AUTS2: variants seen among roughly 807,000 people sequenced by gnomAD.
AUTS2 encodes the protein activator of transcription and developmental regulator AUTS2, also known as autism susceptibility gene 2 protein.
AUTS2 carries 17 observed loss-of-function variants against 112.4 expected under a neutral mutation model. The ratio of observed to expected loss-of-function variants is 0.15; its 90% CI spans 0.10 to 0.23. AUTS2 has a LOEUF of 0.23. AUTS2 is among the 10% of genes least tolerant of loss of function. AUTS2 has a pLI of 1.00. For missense variants in AUTS2, 1,510 were observed against 1,701.6 expected (o/e 0.89, Z 1.98); for synonymous variants, 751 against 702.7 (o/e 1.07, Z -1.09).
At chr7:70,500,792 G>T (rs917271845) in intron 5 of AUTS2, among the ~76,000 whole-genome samples, 4 of 151,918 alleles carry the variant, frequency 2.6e-5, no homozygotes, top group African/African-American at 9.7e-5. Context: ...CATGATCTCG[G>T]CTCACTGCAA....
At chr7:70,773,666 A>G (rs1470565425) in intron 11 of AUTS2, among the ~76,000 whole-genome samples, 1 of 152,248 alleles carries the variant, frequency 6.6e-6, no homozygotes, top group East Asian at 1.9e-4. Context: ...GTTTCTTGGA[A>G]TGTTTGGTGA....
intron 4 of AUTS2, among the ~76,000 whole-genome samples, chr7:70,137,401 G>GC (rs1156489508): frequency 6.7e-6 from 1 of 148,710 alleles, no homozygotes; most frequent in Non-Finnish European, 1.5e-5. Flanking sequence ...GAATCGATTT[G>GC]CTTTTTTTTT....
chr7:69,609,966 A>T (rs1051657697), intron 1 of AUTS2, among the ~76,000 whole-genome samples: 6 of 152,374 alleles, frequency 3.9e-5, no homozygotes, highest in Middle Eastern at 6.8e-3. Context: ...ATACCTGAGC[A>T]TTGTGCCTTA....
intron 5 of AUTS2, among the ~76,000 whole-genome samples, chr7:70,448,924 C>T (rs1201390177): frequency 6.6e-6 from 1 of 152,176 alleles, no homozygotes; most frequent in Admixed American, 6.5e-5. Context: ...GCAACTCCAC[C>T]CTTCCGTATG....
chr7:69,922,263 C>T (rs1040086508), intron 2 of AUTS2, among the ~76,000 whole-genome samples: 5 of 152,254 alleles, frequency 3.3e-5, no homozygotes, highest in Middle Eastern at 3.4e-3. Context: ...TACCAACTAG[C>T]GCTGTCCTTT....
chr7:70,172,047 T>C (rs1051213478), intron 4 of AUTS2, among the ~76,000 whole-genome samples: 2 of 152,152 alleles, frequency 1.3e-5, no homozygotes, highest in African/African-American at 4.8e-5. Context: ...TGTTGCTTTG[T>C]GATGGAAACC....
chr7:70,352,900 G>T (rs1333963266), intron 4 of AUTS2, among the ~76,000 whole-genome samples: 1 of 152,152 alleles, frequency 6.6e-6, no homozygotes, highest in East Asian at 1.9e-4. Context: ...GAATGACATA[G>T]CTAAGAATGA....
At chr7:69,827,118 A>G (rs1443015308) in intron 1 of AUTS2, among the ~76,000 whole-genome samples, 2 of 152,036 alleles carry the variant, frequency 1.3e-5, no homozygotes, top group Non-Finnish European at 2.9e-5. Flanking sequence ...GCTCATGGAG[A>G]GGTGGTTGTA....
intron 2 of AUTS2, among the ~76,000 whole-genome samples, chr7:70,086,488 A>G (rs73160148): frequency 1.3e-5 from 2 of 151,992 alleles, no homozygotes; most frequent in African/African-American, 4.8e-5. Context: ...CTAAAATACA[A>G]AAATTAGCTG....
At chr7:70,677,755 C>T (rs534554674) in intron 5 of AUTS2, among the ~76,000 whole-genome samples, 1 of 151,916 alleles carries the variant, frequency 6.6e-6, no homozygotes, top group African/African-American at 2.4e-5. Flanking sequence ...TCCCTGGATA[C>T]CTATCAGGTT....
chr7:69,874,326 C>T (rs182797714), intron 1 of AUTS2, among the ~76,000 whole-genome samples: 2 of 152,110 alleles, frequency 1.3e-5, no homozygotes, highest in Admixed American at 1.3e-4. Flanking sequence ...AGGTGGGAGT[C>T]CAGAAGATGG....
At chr7:69,859,824 CA>C (rs1792895544) in intron 1 of AUTS2, among the ~76,000 whole-genome samples, 1 of 152,086 alleles carries the variant, frequency 6.6e-6, no homozygotes, top group Non-Finnish European at 1.5e-5. Flanking sequence ...AAAACAACAA[CA>C]ACAAAACCCT....
At chr7:70,666,742 G>A (rs373903935) in intron 5 of AUTS2, among the ~76,000 whole-genome samples, 10 of 152,042 alleles carry the variant, frequency 6.6e-5, no homozygotes, top group East Asian at 3.9e-4. Context: ...GGTGTATGCC[G>A]GGAGGGTAGT....
At chr7:70,303,412 GCACA>G (rs569593320) in intron 4 of AUTS2, among the ~76,000 whole-genome samples, 3 of 146,214 alleles carry the variant, frequency 2.1e-5, no homozygotes, top group Non-Finnish European at 3.0e-5. Context: ...ATGTGTGCAC[GCACA>G]CACACACGCG....
intron 2 of AUTS2, among the ~76,000 whole-genome samples, chr7:70,111,040 ATT>A (rs971431691): frequency 2.1e-5 from 3 of 144,328 alleles, no homozygotes; most frequent in Non-Finnish European, 4.6e-5. Flanking sequence ...ATGCCCAGCA[ATT>A]TTTTTTTTTT....
At chr7:69,887,954 G>T (rs1003101711) in intron 1 of AUTS2, among the ~76,000 whole-genome samples, 1 of 152,092 alleles carries the variant, frequency 6.6e-6, no homozygotes, top group Non-Finnish European at 1.5e-5. Context: ...TAGGGGAATA[G>T]AAATGGTTTA....
intron 4 of AUTS2, among the ~76,000 whole-genome samples, chr7:70,376,981 G>A (rs1450925376): frequency 1.3e-5 from 2 of 151,494 alleles, no homozygotes; most frequent in Non-Finnish European, 2.9e-5. Context: ...TGTAAGTTAT[G>A]GCTAATGTCC....
At chr7:70,264,093 A>G (rs1320196863) in intron 4 of AUTS2, among the ~76,000 whole-genome samples, 1 of 152,158 alleles carries the variant, frequency 6.6e-6, no homozygotes, top group Non-Finnish European at 1.5e-5. Flanking sequence ...TCTCAATTCT[A>G]TTATGTTGGA....
intron 4 of AUTS2, among the ~76,000 whole-genome samples, chr7:70,360,708 A>G (rs1427641092): frequency 2.6e-5 from 4 of 152,074 alleles, no homozygotes; most frequent in African/African-American, 7.2e-5. Flanking sequence ...CACCCTTGCT[A>G]GTGAGATAAA....
Sources: allele counts gnomAD v4.1 joint callset (sites outside exome capture counted in the v4.1 genomes callset), GRCh38; gene constraint gnomAD v4.1.1; transcripts MANE v1.5; gene names NCBI Gene and HGNC (gene_info 2026-07-23, HGNC 2026-07-21).